Variants in ACOT11 observed in about 807,000 individuals in gnomAD.
ACOT11 encodes acyl-CoA thioesterase 11, also known as acyl-coenzyme A thioesterase 11.
Under a neutral mutation model 77.5 loss-of-function variants are expected in ACOT11, and 69 were observed. The ratio of observed to expected loss-of-function variants is 0.89; its 90% confidence interval spans 0.73 to 1.09. The LOEUF (loss-of-function observed/expected upper bound fraction) is 1.09, where lower values mean the gene tolerates loss of function less well. ACOT11 is among the 50% of genes least tolerant of loss of function. The probability of loss-of-function intolerance (pLI) is 0.00; values close to 1 mark genes in which losing one functional copy is unlikely to be tolerated. For missense variants in ACOT11, 766 were observed against 813.7 expected (o/e 0.94, Z 0.71); for synonymous variants, 279 against 313.0 (o/e 0.89, Z 1.15).
intron 1 of ACOT11, among the ~76,000 whole-genome samples, chr1:54,560,725 TA>T (rs1364253606): frequency 1.1e-3 from 155 of 138,674 alleles, no homozygotes; most frequent in African/African-American, 4.9e-3. Flanking sequence ...TATGCTTGGC[TA>T]TTTTTTTTTT....
rs751792295 is a variant in ACOT11, at chr1:54,609,543, T to C, written c.*431T>C. 17 of 1,612,744 alleles carry C rather than the reference T, an allele frequency of 1.1e-5. No individual in the cohort carries two copies. Among genetic ancestry groups the C allele is most frequent in the East Asian group, 4.5e-5 (2 of 44,886 alleles). On this transcript the variant is annotated 3_prime_UTR_variant, in exon 16 of 16. Transcript: ENST00000343744. ...CCCTGGCACAACTCTAGCATATCTG[T>C]GAGCAGCTGTTCCCTGTAGCCACTG...
downstream of ACOT11, chr1:54,611,483 T>A: frequency 1.1e-6 from 1 of 933,890 alleles, no homozygotes; most frequent in Non-Finnish European, 1.6e-6. Context: ...TGCAGCCGCC[T>A]CCTGTCCCAC....
chr1:54,631,269 G>A (rs569067745), intron 16 of ACOT11, among the ~76,000 whole-genome samples: 100 of 152,248 alleles, frequency 6.6e-4, no homozygotes, highest in African/African-American at 2.4e-3. Flanking sequence ...AGGCTTGGCA[G>A]TTCCCTGTTA....
chr1:54,605,272 C>T, intron 13 of ACOT11, 63 bp downstream of exon 13: 1 of 1,566,714 alleles, frequency 6.4e-7, no homozygotes, highest in Admixed American at 1.8e-5. Context: ...GAGAGAGTGT[C>T]TCCTTCTGCG....
chr1:54,575,113 T>TGTAATCA (rs2307952), intron 1 of ACOT11, among the ~76,000 whole-genome samples: 18,039 of 151,994 alleles, frequency 0.12, 2,533 homozygotes, highest in African/African-American at 0.34. Context: ...AGCAAGCAGG[T>TGTAATCA]GTCTTCAAAG....
chr1:54,609,418 G>A lies in ACOT11; in HGVS notation c.*306G>A, dbSNP rs141833986. ...CAGCTGGGTTGTGCTCCACTGTGAC[G>A]GTGGCCCGGGGGGAGGATGCCAGCA... On this transcript the variant is annotated 3_prime_UTR_variant, in exon 16 of 16. Coordinates refer to ENST00000343744, the MANE Select transcript of ACOT11 (RefSeq NM_147161.4). 45 of 1,613,812 alleles carry A rather than the reference G, an allele frequency of 2.8e-5. No homozygotes were observed. The highest frequency in any genetic ancestry group is 5.3e-5 in the African/African-American group (4 of 74,904).
intron 15 of ACOT11, among the ~76,000 whole-genome samples, chr1:54,620,838 ACT>A (rs1226540430): frequency 1.0e-4 from 11 of 110,018 alleles, no homozygotes; most frequent in East Asian, 8.3e-4. Flanking sequence ...ACACAAAGAG[ACT>A]CTGTCAAAAA....
chr1:54,618,071 G>A (rs1644193562), intron 15 of ACOT11, among the ~76,000 whole-genome samples: 1 of 151,758 alleles, frequency 6.6e-6, no homozygotes, highest in African/African-American at 2.4e-5. Flanking sequence ...TGCGCCTGCT[G>A]CTGGTCCATG....
intron 15 of ACOT11, among the ~76,000 whole-genome samples, chr1:54,630,093 G>T (rs1250379343): frequency 7.5e-6 from 1 of 133,018 alleles, no homozygotes; most frequent in Non-Finnish European, 1.7e-5. Flanking sequence ...TAGAGACGAG[G>T]TTTCACCATG....
At chr1:54,615,914 C>G (rs937089867) in intron 15 of ACOT11, 58 of 1,174,684 alleles carry the variant, frequency 4.9e-5, no homozygotes, top group Non-Finnish European at 7.2e-5. Context: ...AGGCAATGAG[C>G]ACCTCGTGTC....
chr1:54,562,506 CT>C (rs1474965953), intron 1 of ACOT11, among the ~76,000 whole-genome samples: 1 of 95,268 alleles, frequency 1.0e-5, no homozygotes, highest in Non-Finnish European at 2.3e-5. Flanking sequence ...ACCCCCCCAC[CT>C]CCCTCCCGGA....
chr1:54,597,481 C>A, intron 7 of ACOT11, 66 bp downstream of exon 7: 1 of 1,506,778 alleles, frequency 6.6e-7, no homozygotes, highest in East Asian at 2.4e-5. Context: ...GGCTACCTCC[C>A]TCTGGAGGGG....
rs778602799 is a variant in ACOT11 at position 54,605,070 on chromosome 1, A to G, written c.1237-6A>G. ...AGCAAATGAGGCTGCCCTCTATCCC[A>G]TGCAGGTCCGCCTGTACACTCTGGA... On this transcript the variant is annotated splice_region_variant and splice_polypyrimidine_tract_variant and intron_variant, in intron 12 of 15. Coordinates refer to ENST00000343744, the MANE Select transcript of ACOT11 (RefSeq NM_147161.4). 3.1e-6 allele frequency: 5 copies of G among 1,612,064 alleles called. No individual in the cohort carries two copies. Among genetic ancestry groups the G allele is most frequent in the Non-Finnish European group, 3.4e-6 (4 of 1,179,350 alleles).
intron 1 of ACOT11, among the ~76,000 whole-genome samples, chr1:54,570,179 G>A (rs1653884222): frequency 6.6e-6 from 1 of 152,218 alleles, no homozygotes; most frequent in Non-Finnish European, 1.5e-5. Flanking sequence ...CCTACAAAAT[G>A]CAAAGGCTTC....
At chr1:54,610,522 C>T, downstream of ACOT11, 4 of 1,613,488 alleles carry the variant, frequency 2.5e-6, no homozygotes, top group Middle Eastern at 1.7e-4. Context: ...CAGGCTGCCT[C>T]CCGTGTAGTA....
At chr1:54,628,595 C>CA (rs1162519643) in intron 15 of ACOT11, among the ~76,000 whole-genome samples, 4 of 89,190 alleles carry the variant, frequency 4.5e-5, no homozygotes, top group African/African-American at 1.7e-4. Flanking sequence ...ACCCCATCGC[C>CA]CCCCCCCCCC....
At position 54,609,526 on chromosome 1, in the gene ACOT11, C is replaced by T. The variant is rs899076786; in HGVS notation, c.*414C>T. On this transcript the variant is annotated 3_prime_UTR_variant, in exon 16 of 16. Coordinates refer to ENST00000343744, the MANE Select transcript of ACOT11 (RefSeq NM_147161.4). Reference sequence around the variant, plus strand: ...ACACAGGTTGCCAGAGCCCCTGGCACAACTCTAGCATATCTGTGAGCAGCT... The same window carrying T: ...ACACAGGTTGCCAGAGCCCCTGGCATAACTCTAGCATATCTGTGAGCAGCT... The T allele has an allele frequency of 6.2e-7, 1 of 1,613,034 alleles. No individual in the cohort carries two copies. Among genetic ancestry groups the T allele is most frequent in the African/African-American group, 1.3e-5 (1 of 75,072 alleles).
chr1:54,582,461 GAATGAACA>G (rs1454476719), intron 1 of ACOT11: 8 of 985,252 alleles, frequency 8.1e-6, no homozygotes, highest in East Asian at 1.1e-4. Flanking sequence ...AGTGTTTGGT[GAATGAACA>G]AATGAACAAA....
At chr1:54,567,609 C>T (rs1270992644) in intron 1 of ACOT11, among the ~76,000 whole-genome samples, 1 of 151,988 alleles carries the variant, frequency 6.6e-6, no homozygotes, top group Non-Finnish European at 1.5e-5. Flanking sequence ...CTGCCTACCA[C>T]CTCCCATCAT....
Sources: gnomAD v4.1 joint callset for allele counts (sites outside exome capture counted in the v4.1 genomes callset) on GRCh38, gnomAD v4.1.1 for gene constraint, MANE v1.5 for transcripts, NCBI Gene and HGNC (gene_info 2026-07-23, HGNC 2026-07-21) for gene names.